The following NRG1 variants were observed in gnomAD, a reference collection of about 807,000 sequenced individuals.
NRG1 encodes pro-neuregulin-1, membrane-bound isoform.
Under a neutral mutation model 63.8 loss-of-function variants are expected in NRG1, and 18 were observed. That is an observed-to-expected ratio of 0.28 (90% CI 0.19 to 0.42). NRG1 has a LOEUF of 0.42. Among genes scored for constraint, NRG1 ranks in the 10% least tolerant of loss-of-function variants. The pLI, the probability that NRG1 is intolerant of heterozygous loss-of-function variation, is 1.00. For missense variants in NRG1, 762 were observed against 814.7 expected (o/e 0.94, Z 0.79); for synonymous variants, 302 against 301.3 (o/e 1.00, Z -0.02).
intron 1 of NRG1, among the ~76,000 whole-genome samples, chr8:32,391,695 C>G (rs947975924): frequency 6.6e-6 from 1 of 152,114 alleles, no homozygotes; most frequent in African/African-American, 2.4e-5. Context: ...GACATGATCT[C>G]GTTCTTTTTT....
intron 1 of NRG1, among the ~76,000 whole-genome samples, chr8:32,501,158 G>A (rs2129496711): frequency 6.6e-6 from 1 of 152,282 alleles, no homozygotes; most frequent in South Asian, 2.1e-4. Context: ...GAATGACAAT[G>A]ACTTAAAATG....
rs1304333614 is a variant in NRG1, at chr8:32,632,010, G to GTGT, written c.502+15127_502+15129dup. Among the ~76,000 whole-genome samples the GTGT allele has an allele frequency of 1.1e-4, 17 of 152,262 alleles. No individual in the cohort carries two copies. In the South Asian group the frequency reaches 3.5e-3, roughly 32 times the overall value. ...ATTTGTAATGAAAAAGGTAAATGCTGTGTTAATAAGTTAATAGCAAAGTAA... is the reference window on the plus strand; with the variant it reads ...ATTTGTAATGAAAAAGGTAAATGCTGTGTTGTTAATAAGTTAATAGCAAAGTAA... On this transcript the variant is annotated intron_variant, in intron 5 of 11. Coordinates refer to ENST00000356819, the Ensembl canonical transcript of NRG1.
chr8:32,312,153 G>GTTTTTTTT (rs767575805), intron 1 of NRG1, among the ~76,000 whole-genome samples: 6 of 98,234 alleles, frequency 6.1e-5, no homozygotes, highest in Admixed American at 1.2e-4. Flanking sequence ...ATTTGACCTT[G>GTTTTTTTT]TTTGTTTTTT....
chr8:32,198,764 C>G (rs770089519), intron 1 of NRG1, among the ~76,000 whole-genome samples: 75 of 152,124 alleles, frequency 4.9e-4, no homozygotes, highest in Non-Finnish European at 1.8e-4. Flanking sequence ...CTCTCTTATT[C>G]TTAAACCTGT....
intron 1 of NRG1, among the ~76,000 whole-genome samples, chr8:32,115,261 C>T (rs970366853): frequency 6.6e-6 from 1 of 151,956 alleles, no homozygotes; most frequent in Non-Finnish European, 1.5e-5. Context: ...AAACTCCTGA[C>T]TTCAGGTGAT....
In NRG1 at chr8:32,620,213, G is replaced by A. The variant is rs181280412; in HGVS notation, c.502+3328G>A. 1.6e-3 allele frequency among the ~76,000 whole-genome samples: 249 copies of A among 152,294 alleles called. 1 individual carries two copies. Among genetic ancestry groups the A allele is most frequent in the African/African-American group, 5.6e-3 (234 of 41,554 alleles). ...ATTTCTTTTCACTTTATTTTAGCCA[G>A]CAAGGAGATGCTAGTAAATCCCTGT... On this transcript the variant is annotated intron_variant, in intron 5 of 11. Transcript: ENST00000356819.
chr8:32,735,949 G>A (rs1026855046), intron 6 of NRG1, among the ~76,000 whole-genome samples: 2 of 151,860 alleles, frequency 1.3e-5, no homozygotes, highest in African/African-American at 4.8e-5. Flanking sequence ...CATGAGTCTA[G>A]TGTGGCCACT....
chr8:31,913,933 AG>A (rs1291666126), intron 1 of NRG1, among the ~76,000 whole-genome samples: 3 of 152,212 alleles, frequency 2.0e-5, no homozygotes, highest in Non-Finnish European at 2.9e-5. Flanking sequence ...GAAATGGAAA[AG>A]AATCTACAGG....
In NRG1 at chr8:32,603,707, C is replaced by A. The variant is rs185524582; in HGVS notation, c.279-1855C>A. ...GGCCAGGCTTGTCTTGAACTCCTGA[C>A]CTCGTGATCTGTCTTCCTCGGCCTC... On this transcript the variant is annotated intron_variant, in intron 2 of 11. Coordinates refer to ENST00000356819, the Ensembl canonical transcript of NRG1. Among the ~76,000 whole-genome samples, 8 of 152,232 alleles carry A rather than the reference C, an allele frequency of 5.3e-5. No homozygotes were observed. The East Asian group carries it at 1.5e-3, about 29-fold the overall frequency.
At chr8:32,456,150 G>A (rs555960702) in intron 1 of NRG1, among the ~76,000 whole-genome samples, 13 of 152,154 alleles carry the variant, frequency 8.5e-5, no homozygotes, top group Non-Finnish European at 1.5e-4. Context: ...ATAGACCCAT[G>A]TTATTTAATT....
In NRG1 at chr8:32,669,013, G is replaced by T. The variant is rs1032863484; in HGVS notation, c.502+52128G>T. 3.9e-5 allele frequency among the ~76,000 whole-genome samples: 6 copies of T among 152,318 alleles called. No individual in the cohort carries two copies. The East Asian group carries it at 1.2e-3, about 29-fold the overall frequency. On this transcript the variant is annotated intron_variant, in intron 5 of 11. Coordinates refer to ENST00000356819, the Ensembl canonical transcript of NRG1. The stretch of plus-strand genomic sequence containing the variant: ...ACAGTAAAGAAAGCATCCACAGTTT[G>T]TGAGGCAGAGTTTAGTGCTGATGTG...
chr8:31,971,493 G>A (rs924277689), intron 1 of NRG1, among the ~76,000 whole-genome samples: 2 of 151,930 alleles, frequency 1.3e-5, no homozygotes, highest in African/African-American at 2.4e-5. Context: ...TTTATAAAAC[G>A]TAAATGCTAT....
intron 1 of NRG1, among the ~76,000 whole-genome samples, chr8:32,472,175 G>A (rs889714113): frequency 4.7e-5 from 7 of 149,770 alleles, no homozygotes; most frequent in Admixed American, 2.7e-4. Flanking sequence ...AGTTCTTGGC[G>A]TTTATTCTTT....
At chr8:31,840,560 A>T (rs984755751) in intron 1 of NRG1, among the ~76,000 whole-genome samples, 6 of 152,038 alleles carry the variant, frequency 3.9e-5, no homozygotes, top group Non-Finnish European at 8.8e-5. Flanking sequence ...CTTACCTCGC[A>T]CTAGTTAGTT....
chr8:32,308,776 G>T (rs7012187), intron 1 of NRG1, among the ~76,000 whole-genome samples: 1 of 152,016 alleles, frequency 6.6e-6, no homozygotes, highest in Non-Finnish European at 1.5e-5. Flanking sequence ...ATTAAAAAAG[G>T]GGGAAAATTG....
intron 5 of NRG1, among the ~76,000 whole-genome samples, chr8:32,723,048 T>C (rs889969129): frequency 1.3e-5 from 2 of 152,204 alleles, no homozygotes; most frequent in Non-Finnish European, 2.9e-5. Flanking sequence ...TTTTTTACTT[T>C]TGTTTGCTCA....
upstream of NRG1, among the ~76,000 whole-genome samples, chr8:32,543,406 T>C (rs929150348): frequency 6.6e-6 from 1 of 152,112 alleles, no homozygotes; most frequent in South Asian, 2.1e-4. Context: ...GGATAAATAA[T>C]GCAGAGGTCA....
chr8:31,907,191 A>G (rs1832588150), intron 1 of NRG1, among the ~76,000 whole-genome samples: 1 of 150,362 alleles, frequency 6.7e-6, no homozygotes, highest in African/African-American at 2.5e-5. Flanking sequence ...TCCAACGTAA[A>G]TGACAGTGAA....
At chr8:32,722,945 T>C (rs940081563) in intron 5 of NRG1, among the ~76,000 whole-genome samples, 7 of 152,236 alleles carry the variant, frequency 4.6e-5, no homozygotes, top group Admixed American at 6.6e-5. Flanking sequence ...AATTAGGCCA[T>C]CTTTTTTCAC....
Sources: allele counts gnomAD v4.1 joint callset (sites outside exome capture counted in the v4.1 genomes callset), GRCh38; gene constraint gnomAD v4.1.1; transcripts MANE v1.5; gene names NCBI Gene and HGNC (gene_info 2026-07-23, HGNC 2026-07-21).